The following ENTREP2 variants were observed in gnomAD, a reference collection of about 807,000 sequenced individuals.
ENTREP2 encodes the protein protein ENTREP2.
At chr15:29,148,733 G>A in the ENTREP2 span, among the ~76,000 whole-genome samples, 1 of 152,170 alleles carries the variant, frequency 6.6e-6, no homozygotes, top group Admixed American at 6.5e-5. Flanking sequence ...AGTCTGCTGT[G>A]TGGAGTGCCT....
the ENTREP2 span, among the ~76,000 whole-genome samples, chr15:29,387,281 G>A: frequency 6.6e-6 from 1 of 152,124 alleles, no homozygotes; most frequent in Non-Finnish European, 1.5e-5. Context: ...CTTTGGTTCT[G>A]TTTATATGCT....
At chr15:29,174,189 C>T in the ENTREP2 span, among the ~76,000 whole-genome samples, 1 of 152,170 alleles carries the variant, frequency 6.6e-6, no homozygotes, top group African/African-American at 2.4e-5. Context: ...ATGTCTCTTC[C>T]CTTGATGGGA....
At chr15:29,300,953 G>A in the ENTREP2 span, among the ~76,000 whole-genome samples, 4 of 152,262 alleles carry the variant, frequency 2.6e-5, no homozygotes, top group South Asian at 8.3e-4. Flanking sequence ...TTTCTATACA[G>A]GTAAATATGT....
chr15:29,663,196 G>A, the ENTREP2 span, among the ~76,000 whole-genome samples: 2 of 152,022 alleles, frequency 1.3e-5, no homozygotes, highest in African/African-American at 4.8e-5. Flanking sequence ...AGGCAGACTT[G>A]TCTTCTAAGA....
At chr15:29,144,628 G>A in the ENTREP2 span, among the ~76,000 whole-genome samples, 8 of 152,138 alleles carry the variant, frequency 5.3e-5, no homozygotes, top group African/African-American at 9.7e-5. Context: ...TACTTGGGAG[G>A]CTGAAGTGGG....
chr15:29,238,773 C>G, the ENTREP2 span, among the ~76,000 whole-genome samples: 1 of 152,234 alleles, frequency 6.6e-6, no homozygotes, highest in South Asian at 2.1e-4. Context: ...TCTTACATGG[C>G]CAGAGCAGGA....
the ENTREP2 span, among the ~76,000 whole-genome samples, chr15:29,590,731 G>T: frequency 1.3e-5 from 2 of 150,124 alleles, no homozygotes; most frequent in South Asian, 2.1e-4. Context: ...TACACTTGAA[G>T]GGGAGAAGGA....
the ENTREP2 span, among the ~76,000 whole-genome samples, chr15:29,223,508 G>C: frequency 2.0e-5 from 3 of 152,324 alleles, no homozygotes; most frequent in Admixed American, 2.0e-4. Flanking sequence ...AGTGGACACA[G>C]ACACACATAC....
the ENTREP2 span, among the ~76,000 whole-genome samples, chr15:29,219,558 G>A: frequency 2.3e-5 from 3 of 132,292 alleles, no homozygotes; most frequent in Admixed American, 2.5e-4. Context: ...GCAAAACTGT[G>A]GAAACAATCC....
chr15:29,494,272 T>C, the ENTREP2 span, among the ~76,000 whole-genome samples: 1 of 151,980 alleles, frequency 6.6e-6, no homozygotes, highest in African/African-American at 2.4e-5. Context: ...TTTTTAGAAT[T>C]AGCAATAAAC....
chr15:29,263,021 T>G, the ENTREP2 span, among the ~76,000 whole-genome samples: 1 of 152,068 alleles, frequency 6.6e-6, no homozygotes, highest in Non-Finnish European at 1.5e-5. Context: ...AGTTTGAGAG[T>G]TTTTTCTCTA....
chr15:29,364,860 A>T, the ENTREP2 span, among the ~76,000 whole-genome samples: 1 of 152,072 alleles, frequency 6.6e-6, no homozygotes, highest in Non-Finnish European at 1.5e-5. Context: ...CTCCGCCACT[A>T]CCACCAGCCG....
At chr15:29,654,337 G>A in the ENTREP2 span, among the ~76,000 whole-genome samples, 1 of 152,146 alleles carries the variant, frequency 6.6e-6, no homozygotes, top group Non-Finnish European at 1.5e-5. Context: ...CAAATTTTGT[G>A]CCAATACTAC....
the ENTREP2 span, among the ~76,000 whole-genome samples, chr15:29,216,545 C>T: frequency 0.066 from 10,099 of 152,136 alleles, 1,152 homozygotes; most frequent in African/African-American, 0.23. Flanking sequence ...TTCTCTATTA[C>T]TCCCCCAAAT....
At chr15:29,368,293 A>G in the ENTREP2 span, among the ~76,000 whole-genome samples, 11 of 151,270 alleles carry the variant, frequency 7.3e-5, no homozygotes, top group African/African-American at 2.7e-4. Flanking sequence ...ATGGCACTGC[A>G]CTCCAGCCTG....
the ENTREP2 span, among the ~76,000 whole-genome samples, chr15:29,173,505 C>G: frequency 3.9e-5 from 6 of 152,110 alleles, no homozygotes; most frequent in African/African-American, 7.2e-5. Flanking sequence ...GGATGACTGG[C>G]TTAGACTTTA....
the ENTREP2 span, among the ~76,000 whole-genome samples, chr15:29,648,323 A>G: frequency 6.6e-6 from 1 of 152,274 alleles, no homozygotes; most frequent in African/African-American, 2.4e-5. Flanking sequence ...TCCTTGTCGC[A>G]CCATTAACTC....
chr15:29,437,922 T>C, the ENTREP2 span, among the ~76,000 whole-genome samples: 1 of 152,220 alleles, frequency 6.6e-6, no homozygotes. Context: ...TTCAGGAATG[T>C]CAGTTACTTA....
At chr15:29,247,078 A>G in the ENTREP2 span, among the ~76,000 whole-genome samples, 2 of 152,018 alleles carry the variant, frequency 1.3e-5, no homozygotes, top group Non-Finnish European at 2.9e-5. Context: ...ACTTTAGTTT[A>G]GATATCCTTT....
Sources: gnomAD v4.1 joint callset for allele counts (sites outside exome capture counted in the v4.1 genomes callset) on GRCh38, gnomAD v4.1.1 for gene constraint, MANE v1.5 for transcripts, NCBI Gene and HGNC (gene_info 2026-07-23, HGNC 2026-07-21) for gene names.